The following FHIP2A variants were observed in gnomAD, a reference collection of about 807,000 sequenced individuals.
FHIP2A encodes the protein family with sequence similarity 160 member B1.
FHIP2A carries 46 observed loss-of-function variants against 93.5 expected under a neutral mutation model. The observed-to-expected ratio is 0.49, with a 90% CI of 0.39 to 0.63. FHIP2A has a LOEUF of 0.63. Ranked by LOEUF, FHIP2A falls within the 20% of genes least tolerant of loss-of-function variation. FHIP2A has a pLI of 0.00. For missense variants in FHIP2A, 769 were observed against 909.7 expected, an observed-to-expected ratio of 0.85 and a Z score of 1.99; for synonymous variants, 332 against 326.5, an observed-to-expected ratio of 1.02 and a Z score of -0.18.
intron 14 of FHIP2A, among the ~76,000 whole-genome samples, chr10:114,857,548 G>A (rs1443842458): frequency 1.3e-5 from 2 of 152,118 alleles, no homozygotes; most frequent in Non-Finnish European, 2.9e-5. Context: ...GACCTCAGGT[G>A]ATCCACCTGC....
rs2083812185 is a variant in FHIP2A at position 114,863,431 on chromosome 10, C to G, written c.*1891C>G. ...GATATTACCTCTGAAACCAAATACTCTTTTATCCTTGATTCCACTATGGGA... is the reference window on the plus strand; with the variant it reads ...GATATTACCTCTGAAACCAAATACTGTTTTATCCTTGATTCCACTATGGGA... On this transcript the variant is annotated 3_prime_UTR_variant, in exon 17 of 17. Coordinates refer to ENST00000369248, the MANE Select transcript of FHIP2A (RefSeq NM_020940.4). 11 of 1,074,380 alleles carry G rather than the reference C, an allele frequency of 1.0e-5. No individual in the cohort carries two copies. The highest frequency in any genetic ancestry group is 1.2e-5 in the Non-Finnish European group (11 of 882,176). The allele number at this position is 1,074,380 out of a possible 1,614,324, so 66.6% of individuals were successfully genotyped here.
chr10:114,839,717 C>T (rs1231533414), intron 5 of FHIP2A, among the ~76,000 whole-genome samples: 1 of 151,634 alleles, frequency 6.6e-6, no homozygotes, highest in Non-Finnish European at 1.5e-5. Context: ...CCCTTCTCTA[C>T]TAAAAATACA....
At chr10:114,886,637 C>T (rs879731866) in intron 16 of FHIP2A, among the ~76,000 whole-genome samples, 6 of 152,112 alleles carry the variant, frequency 3.9e-5, no homozygotes, top group Non-Finnish European at 7.4e-5. Context: ...CTTCACCTCC[C>T]GTGTTCAAGC....
chr10:114,847,116 C>G lies in FHIP2A; in HGVS notation c.1595C>G (p.Thr532Ser). 1.2e-6 allele frequency: 2 copies of G among 1,612,208 alleles called. No individual in the cohort carries two copies. The highest frequency in any genetic ancestry group is 1.7e-6 in the Non-Finnish European group (2 of 1,178,774). The change falls in exon 12 of 17, where the codon ACT (threonine) becomes AGT (serine). Residue 532 changes from threonine to serine, a missense_variant. Physicochemically the swap from Thr to Ser is moderately conservative, Grantham distance 58. Coordinates refer to ENST00000369248, the MANE Select transcript of FHIP2A (RefSeq NM_020940.4). ...GATCTGGAAGAAGATCCATTATTTA[C>G]TGACATTTCACCAGAAAACACTTTG... The part of the protein sequence containing the change: ...AVDLEEDPLF[T>S]DISPENTLPN...
chr10:114,869,224 A>T (rs1386176896), downstream of FHIP2A, among the ~76,000 whole-genome samples: 1 of 152,232 alleles, frequency 6.6e-6, no homozygotes, highest in African/African-American at 2.4e-5. Context: ...GTAGAATAGC[A>T]TGTAGGGTTT....
At chr10:114,848,080 C>G (rs1285910487) in intron 12 of FHIP2A, among the ~76,000 whole-genome samples, 1 of 152,096 alleles carries the variant, frequency 6.6e-6, no homozygotes, top group Admixed American at 6.5e-5. Context: ...TGGGCTATTC[C>G]TTTTTGTTAG....
intron 14 of FHIP2A, among the ~76,000 whole-genome samples, chr10:114,860,087 A>C (rs770597992): frequency 6.6e-6 from 1 of 152,196 alleles, no homozygotes; most frequent in Non-Finnish European, 1.5e-5. Context: ...TCTTATGCTC[A>C]ATGGGTCCTC....
rs2083818564 is a variant in FHIP2A at position 114,864,451 on chromosome 10, A to G, written c.*2911A>G. ...TTTCTGGGCCCTGTAAAATAGTGTT[A>G]CTGTAATACTCTGTTTTGCCTCCTG... On this transcript the variant is annotated 3_prime_UTR_variant, in exon 17 of 17. Coordinates refer to ENST00000369248, the MANE Select transcript of FHIP2A (RefSeq NM_020940.4). The G allele has an allele frequency of 1.0e-5, 10 of 985,852 alleles. No individual in the cohort carries two copies. Among genetic ancestry groups the G allele is most frequent in the African/African-American group, 1.7e-5 (1 of 57,362 alleles). 61.1% of individuals were successfully genotyped at this position (985,852 alleles called of 1,614,324 possible).
At position 114,861,333 on chromosome 10, in the gene FHIP2A, A is replaced by G. The variant is rs560664096; in HGVS notation, c.2191A>G (p.Ile731Val). 4 of 1,614,132 alleles carry G rather than the reference A, an allele frequency of 2.5e-6. No homozygotes were observed. Among genetic ancestry groups the G allele is most frequent in the African/African-American group, 1.3e-5 (1 of 75,068 alleles). ...RLLGLEPEGP[I>V]IDHITLLEGV... ...ACTTGGTTTGGAACCTGAAGGCCCTATGTAAGTTAGTGTTTTACATTTTTT... is the reference window on the plus strand; with the variant it reads ...ACTTGGTTTGGAACCTGAAGGCCCTGTGTAAGTTAGTGTTTTACATTTTTT... Residue 731 changes from isoleucine (I) to valine (V), a missense_variant and splice_region_variant, in exon 16 of 17, where the codon ATT becomes GTT. Physicochemically the swap from Ile to Val is conservative, Grantham distance 29 (BLOSUM62 3). Transcript: ENST00000369248.
intron 8 of FHIP2A, 93 bp from the exon 9 acceptor site, chr10:114,845,920 A>T: frequency 1.0e-6 from 1 of 967,386 alleles, no homozygotes. Flanking sequence ...TTTCCACATT[A>T]ATTCAGTTGG....
intron 16 of FHIP2A, among the ~76,000 whole-genome samples, chr10:114,881,628 G>A (rs137890223): frequency 6.6e-6 from 1 of 152,208 alleles, no homozygotes; most frequent in African/African-American, 2.4e-5. Context: ...GAACTTCAGA[G>A]ATTTTAGCCC....
At chr10:114,837,782 T>C (rs2083644663) in intron 5 of FHIP2A, among the ~76,000 whole-genome samples, 1 of 152,218 alleles carries the variant, frequency 6.6e-6, no homozygotes. Context: ...GTCATAGCAA[T>C]GTAATTAGCC....
chr10:114,891,678 G>T (rs1483827576), intron 16 of FHIP2A, among the ~76,000 whole-genome samples: 6 of 151,112 alleles, frequency 4.0e-5, no homozygotes, highest in African/African-American at 1.5e-4. Flanking sequence ...GTGCAGTGGC[G>T]TGATCTCAGC....
At chr10:114,823,457 T>C (rs2083552739) in intron 1 of FHIP2A, among the ~76,000 whole-genome samples, 1 of 151,632 alleles carries the variant, frequency 6.6e-6, no homozygotes, top group Non-Finnish European at 1.5e-5. Context: ...TTTTGTTTTC[T>C]TTAAAAATAC....
At chr10:114,838,504 T>G (rs932216513) in intron 5 of FHIP2A, among the ~76,000 whole-genome samples, 5 of 152,198 alleles carry the variant, frequency 3.3e-5, no homozygotes, top group African/African-American at 1.2e-4. Context: ...TATTAGAATT[T>G]TTTTTTTAGT....
chr10:114,863,344 G>A lies in FHIP2A; in HGVS notation c.*1804G>A. ...TTGATATATGAGTATTTAAACTAAG[G>A]CATTAAGAGATATTAGATATTTCTT... On this transcript the variant is annotated 3_prime_UTR_variant, in exon 17 of 17. Coordinates refer to ENST00000369248, the MANE Select transcript of FHIP2A (RefSeq NM_020940.4). 3 of 984,442 alleles carry A rather than the reference G, an allele frequency of 3.0e-6. No individual in the cohort carries two copies. Among genetic ancestry groups the A allele is most frequent in the Non-Finnish European group, 3.6e-6 (3 of 827,224 alleles). The allele number at this position is 984,442 out of a possible 1,614,324, so 61.0% of individuals were successfully genotyped here.
Position 114,861,247 on chromosome 10 carries a change from T to C in FHIP2A, c.2105T>C (p.Met702Thr), listed in dbSNP as rs751126849. ...SVIVRVVGDLMLRIQRIQDFT... is the reference protein window; with the variant it reads ...SVIVRVVGDLTLRIQRIQDFT... The stretch of plus-strand genomic sequence containing the variant: ...GTGATGCAGGTTGTTGGAGACCTTA[T>C]GCTTCGAATCCAGCGTATTCAAGAC... Residue 702 changes from methionine to threonine, a missense_variant, in exon 16 of 17, where the codon ATG becomes ACG. Transcript: ENST00000369248. 6.8e-6 allele frequency: 11 copies of C among 1,614,210 alleles called. No individual in the cohort carries two copies. The Admixed American group carries it at 1.7e-4, about 24-fold the overall frequency.
At chr10:114,846,781 TTCTC>T (rs755174922) in intron 11 of FHIP2A, 53 bp downstream of exon 11, 9 of 1,425,270 alleles carry the variant, frequency 6.3e-6, no homozygotes, top group African/African-American at 5.7e-5. Context: ...AGATAGAACT[TTCTC>T]TCTCCTCTTA....
At chr10:114,883,329 C>T (rs1033963365) in intron 16 of FHIP2A, among the ~76,000 whole-genome samples, 1 of 152,120 alleles carries the variant, frequency 6.6e-6, no homozygotes, top group African/African-American at 2.4e-5. Flanking sequence ...CAGTTCTCCT[C>T]TTCTCATATC....
Sources: allele counts gnomAD v4.1 joint callset (sites outside exome capture counted in the v4.1 genomes callset), GRCh38; gene constraint gnomAD v4.1.1; transcripts MANE v1.5; gene names NCBI Gene and HGNC (gene_info 2026-07-23, HGNC 2026-07-21).